The following SPECC1 variants were observed in gnomAD, a reference collection of about 807,000 sequenced individuals.
SPECC1 encodes sperm antigen with calponin homology and coiled-coil domains 1.
In SPECC1, 62 loss-of-function variants were observed where a neutral mutation model predicts 104.1. The observed-to-expected ratio is 0.60, with a 90% confidence interval of 0.49 to 0.74. The LOEUF (loss-of-function observed/expected upper bound fraction) is 0.74, where lower values mean the gene tolerates loss of function less well. Among genes scored for constraint, SPECC1 ranks in the 30% least tolerant of loss-of-function variants. The pLI, the probability that SPECC1 is intolerant of heterozygous loss-of-function variation, is 0.00. For synonymous variants in SPECC1, 513 were observed against 501.6 expected (o/e 1.02, Z -0.30); for missense variants, 1,306 against 1,310.5 (o/e 1.00, Z 0.05).
At position 20,148,477 on chromosome 17, in the gene SPECC1, C is replaced by T. The variant is rs970880294; in HGVS notation, c.283+37915C>T. Among the ~76,000 whole-genome samples, 7 of 146,336 alleles carry T rather than the reference C, an allele frequency of 4.8e-5. 1 individual carries two copies. The South Asian group carries it at 1.5e-3, about 31-fold the overall frequency. ...TGAATTTTACTTTAAATTATTTTAACATTTATGTATTTTTCCAAATAAATG... is the reference window on the plus strand; with the variant it reads ...TGAATTTTACTTTAAATTATTTTAATATTTATGTATTTTTCCAAATAAATG... On this transcript the variant is annotated intron_variant, in intron 3 of 14. Transcript: ENST00000395527.
chr17:20,061,850 A>G (rs2046194485), intron 1 of SPECC1, among the ~76,000 whole-genome samples: 1 of 152,144 alleles, frequency 6.6e-6, no homozygotes, highest in Non-Finnish European at 1.5e-5. Flanking sequence ...CTTTGTATAT[A>G]TTATTTTCTC....
intron 2 of SPECC1, among the ~76,000 whole-genome samples, chr17:20,099,942 C>G (rs1325491009): frequency 3.3e-5 from 5 of 152,024 alleles, no homozygotes; most frequent in Non-Finnish European, 5.9e-5. Flanking sequence ...GCTCAAGTCC[C>G]TGATATAAAG....
At chr17:20,042,412 A>ATC (rs2045367297) in intron 1 of SPECC1, among the ~76,000 whole-genome samples, 1 of 152,134 alleles carries the variant, frequency 6.6e-6, no homozygotes, top group Non-Finnish European at 1.5e-5. Flanking sequence ...AAGTCACTGA[A>ATC]TCTCCACTAG....
intron 3 of SPECC1, among the ~76,000 whole-genome samples, chr17:20,199,085 T>C (rs2036230098): frequency 7.0e-6 from 1 of 142,030 alleles, no homozygotes; most frequent in South Asian, 2.3e-4. Context: ...GGTAGCTTTT[T>C]TTTTTTTTTT....
chr17:20,106,163 G>A (rs1478432638), intron 2 of SPECC1, among the ~76,000 whole-genome samples: 2 of 152,126 alleles, frequency 1.3e-5, no homozygotes, highest in Non-Finnish European at 2.9e-5. Context: ...AGTCATCTAG[G>A]GAGTTTTCAA....
chr17:20,114,734 T>C (rs1035282745), intron 3 of SPECC1, among the ~76,000 whole-genome samples: 2 of 152,196 alleles, frequency 1.3e-5, no homozygotes, highest in African/African-American at 4.8e-5. Context: ...TCATCTTTAG[T>C]ATTTATGTAG....
intron 3 of SPECC1, among the ~76,000 whole-genome samples, chr17:20,181,851 T>C (rs2034912313): frequency 6.6e-6 from 1 of 152,084 alleles, no homozygotes; most frequent in Admixed American, 6.6e-5. Flanking sequence ...TAAATCTTAC[T>C]GTGGTTCATA....
chr17:20,276,057 CATTTT>C (rs2040564015), intron 12 of SPECC1, among the ~76,000 whole-genome samples: 1 of 151,936 alleles, frequency 6.6e-6, no homozygotes, highest in Non-Finnish European at 1.5e-5. Context: ...GTTTTCTGTG[CATTTT>C]ATGTTTTGCA....
chr17:20,166,591 A>G (rs910756372), intron 3 of SPECC1, among the ~76,000 whole-genome samples: 1 of 152,186 alleles, frequency 6.6e-6, no homozygotes, highest in Non-Finnish European at 1.5e-5. Flanking sequence ...TTTATTATCA[A>G]AAAATAAAGA....
intron 12 of SPECC1, among the ~76,000 whole-genome samples, chr17:20,296,680 G>A (rs2041362297): frequency 6.6e-6 from 1 of 152,170 alleles, no homozygotes; most frequent in Admixed American, 6.5e-5. Context: ...ATTTGTTTGT[G>A]TCCTCTTTTA....
At chr17:20,012,427 T>C in intron 1 of SPECC1, among the ~76,000 whole-genome samples, 1 of 152,044 alleles carries the variant, frequency 6.6e-6, no homozygotes, top group East Asian at 1.9e-4. Flanking sequence ...AAATGTTGTA[T>C]TTTTGAAGCT....
intron 4 of SPECC1, among the ~76,000 whole-genome samples, chr17:20,220,950 C>G (rs1281082318): frequency 6.6e-6 from 1 of 151,890 alleles, no homozygotes; most frequent in Non-Finnish European, 1.5e-5. Context: ...TGGTTTTTAC[C>G]TTTCATTTGG....
intron 3 of SPECC1, among the ~76,000 whole-genome samples, chr17:20,171,044 G>C (rs979333676): frequency 6.6e-6 from 1 of 152,166 alleles, no homozygotes; most frequent in Non-Finnish European, 1.5e-5. Flanking sequence ...GATAAACAGA[G>C]TCTATTCATA....
chr17:20,150,678 C>T (rs961895128), intron 3 of SPECC1, among the ~76,000 whole-genome samples: 2 of 151,158 alleles, frequency 1.3e-5, no homozygotes, highest in African/African-American at 2.4e-5. Flanking sequence ...TTTGAGCCAC[C>T]GTGACTGGCC....
chr17:20,260,035 T>C (rs376211438), intron 11 of SPECC1, among the ~76,000 whole-genome samples, 157 bp from the exon 12 acceptor site: 1 of 152,256 alleles, frequency 6.6e-6, no homozygotes, highest in East Asian at 1.9e-4. Flanking sequence ...CTGTGAGATA[T>C]CACAAAATAG....
chr17:20,161,167 C>T (rs998023982), intron 3 of SPECC1, among the ~76,000 whole-genome samples: 13 of 152,210 alleles, frequency 8.5e-5, no homozygotes, highest in Admixed American at 7.2e-4. Flanking sequence ...GCTGAGATCG[C>T]GCTACTGCAT....
At chr17:20,014,816 A>G (rs1027523626) in intron 1 of SPECC1, among the ~76,000 whole-genome samples, 1 of 151,736 alleles carries the variant, frequency 6.6e-6, no homozygotes, top group Non-Finnish European at 1.5e-5. Flanking sequence ...GGAGTGTGGC[A>G]TGATCTCGGC....
At chr17:20,068,180 C>G (rs769221717) in intron 1 of SPECC1, among the ~76,000 whole-genome samples, 5 of 152,124 alleles carry the variant, frequency 3.3e-5, no homozygotes, top group Non-Finnish European at 5.9e-5. Flanking sequence ...AGGCTGGTTT[C>G]AAACTTCTGG....
intron 2 of SPECC1, among the ~76,000 whole-genome samples, chr17:20,102,153 G>A (rs960746631): frequency 5.3e-5 from 8 of 152,208 alleles, no homozygotes; most frequent in African/African-American, 1.9e-4. Flanking sequence ...AAAATGCAGT[G>A]GTGAATAGAG....
Sources: allele counts gnomAD v4.1 joint callset (sites outside exome capture counted in the v4.1 genomes callset), GRCh38; gene constraint gnomAD v4.1.1; transcripts MANE v1.5; gene names NCBI Gene and HGNC (gene_info 2026-07-23, HGNC 2026-07-21).